Variants in ZMYM2 observed in about 807,000 individuals in gnomAD.
ZMYM2 encodes the protein zinc finger MYM-type protein 2.
ZMYM2 carries 56 observed loss-of-function variants against 162.8 expected under a neutral mutation model. The ratio of observed to expected loss-of-function variants is 0.34; its 90% CI spans 0.28 to 0.43. ZMYM2 has a LOEUF of 0.43. ZMYM2 is among the 20% of genes least tolerant of loss of function. The pLI, the probability that ZMYM2 is intolerant of heterozygous loss-of-function variation, is 1.00. For synonymous variants in ZMYM2, 510 were observed against 541.6 expected, an observed-to-expected ratio of 0.94 and a Z score of 0.81; for missense variants, 1,275 against 1,621.8, an observed-to-expected ratio of 0.79 and a Z score of 3.67.
In ZMYM2 at chr13:20,061,064, T is replaced by C. The variant is rs751468608; in HGVS notation, c.2751T>C (p.Pro917=). ...ATTTGGTTAATTAGGTGCCAGTTCC[T>C]GTTTTTCTGCCTGCTCCATTGGACA... ...PTTVPVPVPV[P]VFLPAPLDSS... The change falls in exon 17 of 25, where the codon CCT becomes CCC. Residue 917 remains proline, a synonymous_variant. Transcript: ENST00000610343. The C allele has an allele frequency of 2.5e-6, 4 of 1,610,344 alleles. No homozygotes were observed. In the South Asian group the frequency reaches 4.4e-5, roughly 18 times the overall value.
intron 9 of ZMYM2, 75 bp downstream of exon 9, chr13:20,027,393 CTTTAT>C: frequency 3.6e-6 from 4 of 1,103,876 alleles, no homozygotes; most frequent in Non-Finnish European, 3.6e-6. Context: ...ATATAATATG[CTTTAT>C]TTTATCTTAA....
intron 2 of ZMYM2, among the ~76,000 whole-genome samples, chr13:19,982,634 A>T (rs1276843405): frequency 6.6e-6 from 1 of 152,144 alleles, no homozygotes. Context: ...AGTTTTTGCC[A>T]TTACTTTCAG....
At chr13:19,907,824 GA>G in the ZMYM2 span, among the ~76,000 whole-genome samples, 12 of 136,362 alleles carry the variant, frequency 8.8e-5, no homozygotes, top group East Asian at 2.3e-4. Context: ...AAAAGAGAAC[GA>G]AAAAAAGGTA....
At chr13:20,012,230 C>T (rs115462079) in intron 6 of ZMYM2, among the ~76,000 whole-genome samples, 13,032 of 151,956 alleles carry the variant, frequency 0.086, 826 homozygotes, top group African/African-American at 0.17. Flanking sequence ...GGCTGGAGTG[C>T]GGTAGTGCGA....
intron 21 of ZMYM2, among the ~76,000 whole-genome samples, chr13:20,076,959 C>T (rs1006948802): frequency 1.3e-5 from 2 of 150,316 alleles, no homozygotes; most frequent in Non-Finnish European, 2.9e-5. Context: ...CCTCAGCCTC[C>T]CGAGTACCTG....
chr13:20,025,187 G>C (rs1952466182), intron 7 of ZMYM2: 2 of 203,166 alleles, frequency 9.8e-6, no homozygotes, highest in Admixed American at 1.2e-4. Flanking sequence ...GCTATCCATG[G>C]AACATTTCGA....
chr13:19,981,307 AAAAAAAC>A (rs1274157443), intron 2 of ZMYM2, among the ~76,000 whole-genome samples: 1 of 142,064 alleles, frequency 7.0e-6, no homozygotes, highest in African/African-American at 3.0e-5. Context: ...ACAAACAAAA[AAAAAAAC>A]AAAAAACAAA....
At chr13:19,964,071 A>G (rs1459513981) in intron 2 of ZMYM2, among the ~76,000 whole-genome samples, 1 of 152,174 alleles carries the variant, frequency 6.6e-6, no homozygotes. Flanking sequence ...TGCTATTTCA[A>G]GAAATGACAT....
At chr13:20,051,893 G>A (rs919395529) in intron 13 of ZMYM2, among the ~76,000 whole-genome samples, 17 of 152,076 alleles carry the variant, frequency 1.1e-4, no homozygotes, top group South Asian at 2.1e-4. Context: ...TCTAACTATC[G>A]TGTCATCTGC....
chr13:19,897,684 A>C, the ZMYM2 span, among the ~76,000 whole-genome samples: 3 of 152,056 alleles, frequency 2.0e-5, no homozygotes, highest in Admixed American at 1.3e-4. Flanking sequence ...TAAGTCAAAA[A>C]CTGTTACAAG....
chr13:19,999,340 T>G (rs1950232485), intron 3 of ZMYM2, among the ~76,000 whole-genome samples: 1 of 152,220 alleles, frequency 6.6e-6, no homozygotes, highest in Non-Finnish European at 1.5e-5. Flanking sequence ...GTGTCTCTGT[T>G]TCACATTTTG....
At chr13:20,020,376 A>G (rs1951975464) in intron 7 of ZMYM2, among the ~76,000 whole-genome samples, 1 of 151,866 alleles carries the variant, frequency 6.6e-6, no homozygotes, top group Non-Finnish European at 1.5e-5. Flanking sequence ...CTGGGATTAC[A>G]GTCATGCACC....
At chr13:20,016,743 C>G (rs576816800) in intron 6 of ZMYM2, among the ~76,000 whole-genome samples, 1 of 152,024 alleles carries the variant, frequency 6.6e-6, no homozygotes, top group Admixed American at 6.6e-5. Flanking sequence ...TGTGCTGAAC[C>G]ATTTCTGTTT....
the ZMYM2 span, among the ~76,000 whole-genome samples, chr13:19,881,539 T>C: frequency 6.6e-6 from 1 of 151,826 alleles, no homozygotes; most frequent in Non-Finnish European, 1.5e-5. Context: ...GCAGAATTCC[T>C]TGAACCCAGG....
chr13:20,067,857 T>C (rs114343781), intron 21 of ZMYM2, among the ~76,000 whole-genome samples: 11 of 152,320 alleles, frequency 7.2e-5, no homozygotes, highest in Admixed American at 2.0e-4. Flanking sequence ...TAATGACCTC[T>C]AGTTCTGAAC....
At chr13:19,908,690 C>G in the ZMYM2 span, among the ~76,000 whole-genome samples, 112,147 of 151,968 alleles carry the variant, frequency 0.74, 43,859 homozygotes, top group East Asian at 0.96. Context: ...TTTCCCCAAA[C>G]AAAAACAATT....
rs185815840 is a variant in ZMYM2, at chr13:20,051,382, A to T, written c.2293-51A>T. 3 of 1,586,002 alleles carry T rather than the reference A, an allele frequency of 1.9e-6. No homozygotes were observed. In the African/African-American group the frequency reaches 4.1e-5, roughly 22 times the overall value. On this transcript the variant is annotated intron_variant, in intron 12 of 24. Coordinates refer to ENST00000610343, the MANE Select transcript of ZMYM2 (RefSeq NM_197968.4). The stretch of plus-strand genomic sequence containing the variant: ...GCAATAATCACTGATAAACTTCTGG[A>T]AATCTTCAAAAATAATTTGCAATAT...
At chr13:20,040,328 G>A (rs1002469409) in intron 12 of ZMYM2, among the ~76,000 whole-genome samples, 1 of 152,126 alleles carries the variant, frequency 6.6e-6, no homozygotes, top group Non-Finnish European at 1.5e-5. Flanking sequence ...GGGTGTATGT[G>A]TCCAGGAATT....
At chr13:19,993,967 T>C (rs776595556) in intron 3 of ZMYM2, 48 bp downstream of exon 3, 91 of 1,552,426 alleles carry the variant, frequency 5.9e-5, no homozygotes, top group Non-Finnish European at 1.7e-5. Flanking sequence ...TTTAAACTTT[T>C]GGCTGCTGCT....
Sources: gnomAD v4.1 joint callset for allele counts (sites outside exome capture counted in the v4.1 genomes callset) on GRCh38, gnomAD v4.1.1 for gene constraint, MANE v1.5 for transcripts, NCBI Gene and HGNC (gene_info 2026-07-23, HGNC 2026-07-21) for gene names.